The following MEI4 variants were observed in gnomAD, a reference collection of about 807,000 sequenced individuals.
MEI4 encodes the protein meiotic double-stranded break formation protein 4.
In MEI4, 27 loss-of-function variants were observed where a neutral mutation model predicts 31.4. The observed-to-expected ratio is 0.86, with a 90% CI of 0.63 to 1.19. The LOEUF (loss-of-function observed/expected upper bound fraction) is 1.19, where lower values mean the gene tolerates loss of function less well. Ranked by LOEUF, MEI4 falls within the 50% of genes most tolerant of loss-of-function variation. The probability of loss-of-function intolerance (pLI) is 0.00; values close to 1 mark genes in which losing one functional copy is unlikely to be tolerated. For synonymous variants in MEI4, 122 were observed against 145.4 expected, an observed-to-expected ratio of 0.84 and a Z score of 1.16; for missense variants, 329 against 398.9, an observed-to-expected ratio of 0.82 and a Z score of 1.49.
At chr6:77,908,923 C>T (rs1398498016) in intron 4 of MEI4, among the ~76,000 whole-genome samples, 2 of 152,114 alleles carry the variant, frequency 1.3e-5, no homozygotes, top group African/African-American at 2.4e-5. Context: ...TAACACCCCA[C>T]TGTCAACATT....
intron 2 of MEI4, among the ~76,000 whole-genome samples, chr6:77,737,557 G>T (rs769851241): frequency 2.0e-5 from 3 of 152,162 alleles, no homozygotes; most frequent in Non-Finnish European, 4.4e-5. Flanking sequence ...AGAGAATTAC[G>T]ACTGGATGAT....
At chr6:77,716,264 T>C (rs1216469063) in intron 2 of MEI4, among the ~76,000 whole-genome samples, 1 of 152,178 alleles carries the variant, frequency 6.6e-6, no homozygotes, top group Non-Finnish European at 1.5e-5. Flanking sequence ...AGAGAAGCAT[T>C]TAAATTAAAA....
intron 4 of MEI4, among the ~76,000 whole-genome samples, chr6:77,849,524 T>G (rs1770565457): frequency 6.6e-6 from 1 of 152,226 alleles, no homozygotes; most frequent in Non-Finnish European, 1.5e-5. Context: ...ATAACAATTT[T>G]AACTGTAAGT....
chr6:77,905,334 A>T (rs934596677), intron 4 of MEI4, among the ~76,000 whole-genome samples: 7 of 151,512 alleles, frequency 4.6e-5, no homozygotes, highest in African/African-American at 1.5e-4. Context: ...TACTCTCATG[A>T]TCCTCTCTTT....
chr6:77,680,161 C>CG (rs1327784288), intron 1 of MEI4, among the ~76,000 whole-genome samples: 14 of 127,474 alleles, frequency 1.1e-4, no homozygotes, highest in Non-Finnish European at 2.2e-4. Flanking sequence ...CGCCTGTAGT[C>CG]CCAGCTACTC....
intron 1 of MEI4, among the ~76,000 whole-genome samples, chr6:77,660,586 A>T (rs1768486291): frequency 6.6e-6 from 1 of 152,052 alleles, no homozygotes; most frequent in South Asian, 2.1e-4. Flanking sequence ...GGTGGGGGTG[A>T]CTTCGTAAAG....
intron 4 of MEI4, among the ~76,000 whole-genome samples, chr6:77,850,487 C>CT (rs1199300353): frequency 6.6e-6 from 1 of 152,140 alleles, no homozygotes; most frequent in Non-Finnish European, 1.5e-5. Flanking sequence ...TACCACACAT[C>CT]TACAACCATC....
intron 4 of MEI4, among the ~76,000 whole-genome samples, chr6:77,844,805 C>A (rs1052091394): frequency 1.3e-5 from 2 of 151,974 alleles, no homozygotes; most frequent in Admixed American, 1.3e-4. Context: ...GGAAAAGAGT[C>A]CAATATCTTC....
At chr6:77,759,264 A>G (rs534241133) in intron 2 of MEI4, among the ~76,000 whole-genome samples, 1 of 152,154 alleles carries the variant, frequency 6.6e-6, no homozygotes, top group African/African-American at 2.4e-5. Context: ...TTATGTCTCT[A>G]TCCAGCCTTC....
intron 2 of MEI4, among the ~76,000 whole-genome samples, chr6:77,730,897 G>A (rs867111774): frequency 2.0e-5 from 3 of 150,970 alleles, no homozygotes; most frequent in Non-Finnish European, 4.4e-5. Context: ...TTGTTCTTAC[G>A]ATAGTTTACT....
chr6:77,860,049 G>A (rs759102583), intron 4 of MEI4, among the ~76,000 whole-genome samples: 1 of 152,086 alleles, frequency 6.6e-6, no homozygotes, highest in African/African-American at 2.4e-5. Context: ...TACAGCTTAC[G>A]ATTTCCAAAA....
chr6:77,873,412 G>T (rs1329844517), intron 4 of MEI4, among the ~76,000 whole-genome samples: 1 of 152,178 alleles, frequency 6.6e-6, no homozygotes, highest in Non-Finnish European at 1.5e-5. Flanking sequence ...CTTTTGAGAA[G>T]TGTCTGTTCA....
At chr6:77,740,890 C>G (rs1767383154) in intron 2 of MEI4, among the ~76,000 whole-genome samples, 1 of 152,016 alleles carries the variant, frequency 6.6e-6, no homozygotes, top group African/African-American at 2.4e-5. Context: ...GAAATACCCA[C>G]AAAATAAACT....
At chr6:77,909,284 A>C (rs192294880) in intron 4 of MEI4, among the ~76,000 whole-genome samples, 1 of 152,242 alleles carries the variant, frequency 6.6e-6, no homozygotes. Flanking sequence ...TTTTTTGAAA[A>C]GATCAACAAA....
chr6:77,745,127 T>C (rs1582093186), intron 2 of MEI4, among the ~76,000 whole-genome samples: 1 of 152,226 alleles, frequency 6.6e-6, no homozygotes, highest in East Asian at 1.9e-4. Context: ...CAATATTAAC[T>C]TTAAATGTAA....
chr6:77,843,363 A>G (rs1770409382), intron 4 of MEI4, among the ~76,000 whole-genome samples: 1 of 152,148 alleles, frequency 6.6e-6, no homozygotes, highest in South Asian at 2.1e-4. Context: ...CTAAGACTCA[A>G]TCCTAAACTA....
intron 2 of MEI4, among the ~76,000 whole-genome samples, chr6:77,704,835 C>G (rs1358015520): frequency 6.6e-6 from 1 of 151,968 alleles, no homozygotes; most frequent in Non-Finnish European, 1.5e-5. Context: ...TCAAAACATC[C>G]AAGTGCAGTA....
At position 77,847,864 on chromosome 6, in the gene MEI4, A is replaced by G. The variant is rs373392733; in HGVS notation, c.900+18802A>G. On this transcript the variant is annotated intron_variant, in intron 4 of 4. Coordinates refer to ENST00000684080, the MANE Select transcript of MEI4 (RefSeq NM_001322247.2). This position sits in a 1 kb window ranked among gnomAD's most constrained non-coding sequence, Gnocchi z 4.6. ...AATAAAATGTAGTAATCTGTAATCA[A>G]TAACTCTTACTGACCCTGAAACTCA... Among the ~76,000 whole-genome samples, 13 of 152,316 alleles carry G rather than the reference A, an allele frequency of 8.5e-5. No individual in the cohort carries two copies. Among genetic ancestry groups the G allele is most frequent in the African/African-American group, 2.9e-4 (12 of 41,582 alleles).
intron 2 of MEI4, among the ~76,000 whole-genome samples, chr6:77,715,331 C>A (rs1187053036): frequency 6.6e-6 from 1 of 152,030 alleles, no homozygotes; most frequent in African/African-American, 2.4e-5. Flanking sequence ...AACCAGAAAA[C>A]CCCTGAGAAT....
Sources: gnomAD v4.1 joint callset for allele counts (sites outside exome capture counted in the v4.1 genomes callset) on GRCh38, gnomAD v4.1.1 for gene constraint, Gnocchi (gnomAD v3.1) non-coding constraint, MANE v1.5 for transcripts, NCBI Gene and HGNC (gene_info 2026-07-23, HGNC 2026-07-21) for gene names.